SPIDR: variants seen among roughly 807,000 people sequenced by gnomAD.
SPIDR encodes DNA repair-scaffolding protein.
SPIDR carries 93 observed loss-of-function variants against 104.6 expected under a neutral mutation model. The ratio of observed to expected loss-of-function variants is 0.89; its 90% CI spans 0.75 to 1.06. The LOEUF is 1.06. SPIDR is among the 50% of genes least tolerant of loss of function. The pLI is 0.00. For synonymous variants in SPIDR, 431 were observed against 416.9 expected, an observed-to-expected ratio of 1.03 and a Z score of -0.41; for missense variants, 1,154 against 1,111.2, an observed-to-expected ratio of 1.04 and a Z score of -0.55.
intron 8 of SPIDR, 131 bp from the exon 9 acceptor site, chr8:47,595,680 C>A: frequency 1.3e-6 from 1 of 749,332 alleles, no homozygotes; most frequent in South Asian, 1.7e-5. Flanking sequence ...GACAGCTGTG[C>A]CTCTGTGGGT....
At chr8:47,296,072 T>G (rs1014758307) in intron 5 of SPIDR, among the ~76,000 whole-genome samples, 80 of 152,280 alleles carry the variant, frequency 5.3e-4, no homozygotes, top group Non-Finnish European at 9.6e-4. Context: ...TGTTGGCCAT[T>G]TGTACATCTT....
chr8:47,493,038 A>AGTGTGTGTGTGTGT (rs1363442147), intron 8 of SPIDR, among the ~76,000 whole-genome samples: 37 of 64,842 alleles, frequency 5.7e-4, no homozygotes, highest in Admixed American at 2.9e-3. Flanking sequence ...AGAGAGAGAG[A>AGTGTGTGTGTGTGT]GTGAGTGTGT....
At chr8:47,271,451 A>G (rs1417557819) in intron 1 of SPIDR, among the ~76,000 whole-genome samples, 24 of 151,804 alleles carry the variant, frequency 1.6e-4, no homozygotes, top group African/African-American at 5.3e-4. Context: ...TGTCTGATTT[A>G]AAGTTTGTGA....
At chr8:47,718,393 C>T (rs969732504) in intron 16 of SPIDR, among the ~76,000 whole-genome samples, 2 of 151,908 alleles carry the variant, frequency 1.3e-5, no homozygotes, top group Non-Finnish European at 2.9e-5. Context: ...TTTCTGTGCC[C>T]TCATTTTACA....
intron 16 of SPIDR, among the ~76,000 whole-genome samples, chr8:47,719,434 G>A (rs896478886): frequency 3.9e-5 from 6 of 152,052 alleles, no homozygotes; most frequent in African/African-American, 1.4e-4. Context: ...GCGTGAACCT[G>A]GGAGGCAGAG....
intron 5 of SPIDR, among the ~76,000 whole-genome samples, chr8:47,330,509 T>G (rs1457471484): frequency 6.6e-6 from 1 of 152,218 alleles, no homozygotes; most frequent in African/African-American, 2.4e-5. Flanking sequence ...GTGCTCTGCC[T>G]AGTAATCATT....
chr8:47,363,280 G>A (rs1234426188), intron 5 of SPIDR, among the ~76,000 whole-genome samples: 1 of 120,862 alleles, frequency 8.3e-6, no homozygotes, highest in Non-Finnish European at 1.6e-5. Flanking sequence ...ATCTCAGCTT[G>A]CTGCAAGCTG....
chr8:47,364,512 A>T (rs1395407893), intron 5 of SPIDR, among the ~76,000 whole-genome samples: 1 of 152,202 alleles, frequency 6.6e-6, no homozygotes, highest in East Asian at 1.9e-4. Flanking sequence ...CTACCCCAGA[A>T]GGAGGGAGTC....
intron 10 of SPIDR, among the ~76,000 whole-genome samples, chr8:47,606,867 C>G (rs536718611): frequency 6.6e-6 from 1 of 152,336 alleles, no homozygotes; most frequent in African/African-American, 2.4e-5. Flanking sequence ...GCCTCCTTTT[C>G]TCTGTATGGA....
chr8:47,396,465 TCA>T lies in SPIDR; in HGVS notation c.618_619del (p.His206GlnfsTer38). 1.9e-6 allele frequency: 3 copies of T among 1,614,038 alleles called. No individual in the cohort carries two copies. The East Asian group carries it at 6.7e-5, about 36-fold the overall frequency. On this transcript the variant is annotated frameshift_variant, in exon 6 of 20. Coordinates refer to ENST00000297423, the MANE Select transcript of SPIDR (RefSeq NM_001080394.4). LOFTEE classifies it high-confidence loss of function. ...NVLLIDSESP[H>X]KYHVQFASDA... ...TCCTACTCATTGATTCAGAATCCCC[TCA>T]CAAATACCACGTGCAGTTTGCATCG...
chr8:47,618,939 A>G (rs1414827668), intron 10 of SPIDR, among the ~76,000 whole-genome samples: 1 of 152,266 alleles, frequency 6.6e-6, no homozygotes, highest in Non-Finnish European at 1.5e-5. Context: ...TGGTTAAAAC[A>G]AAGTGCCATA....
intron 1 of SPIDR, among the ~76,000 whole-genome samples, chr8:47,261,232 G>C (rs1288536585): frequency 6.6e-6 from 1 of 152,224 alleles, no homozygotes; most frequent in African/African-American, 2.4e-5. Flanking sequence ...TACGGAAAGC[G>C]AGGGGTGGGA....
chr8:47,313,308 A>C (rs150892560), intron 5 of SPIDR, among the ~76,000 whole-genome samples: 3,475 of 152,284 alleles, frequency 0.023, 142 homozygotes, highest in African/African-American at 0.08. Flanking sequence ...ACTCCCATTC[A>C]CAATTGCTTC....
At chr8:47,727,069 A>G in intron 16 of SPIDR, 131 bp from the exon 17 acceptor site, 1 of 639,044 alleles carries the variant, frequency 1.6e-6, no homozygotes, top group South Asian at 1.9e-5. Flanking sequence ...AATCTTAGGA[A>G]CATGTATATA....
intron 10 of SPIDR, among the ~76,000 whole-genome samples, chr8:47,632,359 C>T (rs1467088946): frequency 6.6e-6 from 1 of 152,170 alleles, no homozygotes; most frequent in Non-Finnish European, 1.5e-5. Flanking sequence ...CATTGCTCAA[C>T]ATCACACCCT....
At chr8:47,668,371 T>C (rs948255193) in intron 10 of SPIDR, among the ~76,000 whole-genome samples, 2 of 152,168 alleles carry the variant, frequency 1.3e-5, no homozygotes, top group African/African-American at 4.8e-5. Flanking sequence ...AGAAAGAATT[T>C]GAAATTGTCA....
intron 10 of SPIDR, among the ~76,000 whole-genome samples, chr8:47,633,739 A>G (rs2067436070): frequency 6.6e-6 from 1 of 152,088 alleles, no homozygotes; most frequent in Admixed American, 6.6e-5. Context: ...TTTATTAGGT[A>G]TACTCAAAGT....
intron 5 of SPIDR, among the ~76,000 whole-genome samples, chr8:47,315,841 T>G (rs1323849915): frequency 2.6e-5 from 4 of 152,158 alleles, no homozygotes; most frequent in African/African-American, 9.6e-5. Flanking sequence ...CTACCTCACA[T>G]GGTACCCAAA....
chr8:47,467,685 T>C (rs984583275), intron 8 of SPIDR, among the ~76,000 whole-genome samples: 7 of 151,932 alleles, frequency 4.6e-5, no homozygotes, highest in African/African-American at 1.7e-4. Flanking sequence ...AACTCTGAAT[T>C]ACATATTGAA....
Sources: allele counts gnomAD v4.1 joint callset (sites outside exome capture counted in the v4.1 genomes callset), GRCh38; gene constraint gnomAD v4.1.1; transcripts MANE v1.5; gene names NCBI Gene and HGNC (gene_info 2026-07-23, HGNC 2026-07-21).